LARGE1: variants seen among roughly 807,000 people sequenced by gnomAD.
LARGE1 encodes the protein xylosyl- and glucuronyltransferase LARGE1.
Under a neutral mutation model 87.6 loss-of-function variants are expected in LARGE1, and 43 were observed. The ratio of observed to expected loss-of-function variants is 0.49; its 90% CI spans 0.38 to 0.63. The LOEUF is 0.63. Ranked by LOEUF, LARGE1 falls within the 30% of genes least tolerant of loss-of-function variation. LARGE1 has a pLI of 0.00. For synonymous variants in LARGE1, 434 were observed against 394.6 expected, an observed-to-expected ratio of 1.10 and a Z score of -1.18; for missense variants, 802 against 1,000.2, an observed-to-expected ratio of 0.80 and a Z score of 2.67.
intron 1 of LARGE1, among the ~76,000 whole-genome samples, chr22:33,882,035 G>GTTTTTTTTT (rs56757133): frequency 2.1e-5 from 3 of 144,228 alleles, no homozygotes; most frequent in African/African-American, 7.9e-5. Context: ...TTTTGTTTTT[G>GTTTTTTTTT]TTTTTTTTTG....
chr22:33,087,440 A>C, the LARGE1 span, among the ~76,000 whole-genome samples: 1 of 152,182 alleles, frequency 6.6e-6, no homozygotes, highest in South Asian at 2.1e-4. Context: ...CAATCCATCC[A>C]CACTGACTGG....
At chr22:33,916,478 C>T (rs754897288) in intron 1 of LARGE1, among the ~76,000 whole-genome samples, 4 of 152,174 alleles carry the variant, frequency 2.6e-5, no homozygotes, top group African/African-American at 4.8e-5. Context: ...GCCTTTCACT[C>T]GTTGCTGCCT....
chr22:33,294,954 T>C (rs745688550), intron 12 of LARGE1, among the ~76,000 whole-genome samples: 3 of 152,212 alleles, frequency 2.0e-5, no homozygotes, highest in Non-Finnish European at 4.4e-5. Context: ...TTGGGCAAAC[T>C]TAACTTCTGT....
chr22:33,265,287 A>C (rs925162381), intron 11 of LARGE1, among the ~76,000 whole-genome samples: 2 of 152,116 alleles, frequency 1.3e-5, no homozygotes, highest in African/African-American at 4.8e-5. Context: ...CAGTTTAGCA[A>C]GAACCAAGCA....
At chr22:33,592,236 A>G (rs1358586491) in intron 5 of LARGE1, among the ~76,000 whole-genome samples, 1 of 151,202 alleles carries the variant, frequency 6.6e-6, no homozygotes, top group Non-Finnish European at 1.5e-5. Context: ...TTTCAAGTTA[A>G]TTTTTGTATG....
At chr22:33,593,860 C>G (rs1289253717) in intron 5 of LARGE1, among the ~76,000 whole-genome samples, 1 of 152,168 alleles carries the variant, frequency 6.6e-6, no homozygotes, top group East Asian at 1.9e-4. Flanking sequence ...TAAAATCACA[C>G]AGATGAGTTG....
chr22:33,778,689 C>T (rs944240340), intron 1 of LARGE1, among the ~76,000 whole-genome samples: 5 of 152,006 alleles, frequency 3.3e-5, no homozygotes, highest in Admixed American at 6.6e-5. Flanking sequence ...CTCGCTCTGT[C>T]GCCCAGACTG....
chr22:33,085,199 C>T, the LARGE1 span, among the ~76,000 whole-genome samples: 1 of 152,208 alleles, frequency 6.6e-6, no homozygotes, highest in South Asian at 2.1e-4. Context: ...TCACTTGAAC[C>T]CGGGAAGCGA....
chr22:33,122,906 G>A, the LARGE1 span, among the ~76,000 whole-genome samples: 2 of 152,128 alleles, frequency 1.3e-5, no homozygotes, highest in African/African-American at 2.4e-5. Context: ...GGGCTGATAC[G>A]GGACCCTACT....
chr22:33,545,844 G>A (rs1209457480), intron 6 of LARGE1, among the ~76,000 whole-genome samples: 1 of 152,130 alleles, frequency 6.6e-6, no homozygotes, highest in Non-Finnish European at 1.5e-5. Context: ...TTGGCCTCCC[G>A]ACGTGCTTGG....
At chr22:33,606,894 CCTAA>C (rs2079280196) in intron 4 of LARGE1, among the ~76,000 whole-genome samples, 1 of 152,258 alleles carries the variant, frequency 6.6e-6, no homozygotes, top group Non-Finnish European at 1.5e-5. Context: ...AGGGGTCCTT[CCTAA>C]CTGTTATCCC....
At chr22:33,606,900 T>A (rs1213995123) in intron 4 of LARGE1, among the ~76,000 whole-genome samples, 9 of 152,236 alleles carry the variant, frequency 5.9e-5, no homozygotes, top group Middle Eastern at 3.4e-3. Context: ...CCTTCCTAAC[T>A]GTTATCCCAG....
intron 11 of LARGE1, among the ~76,000 whole-genome samples, chr22:33,214,404 T>A (rs1398014823): frequency 6.6e-6 from 1 of 152,008 alleles, no homozygotes; most frequent in Non-Finnish European, 1.5e-5. Context: ...GTCTACTACT[T>A]CAACATACAA....
chr22:33,495,314 G>A (rs147137058), intron 6 of LARGE1, among the ~76,000 whole-genome samples: 3 of 152,138 alleles, frequency 2.0e-5, no homozygotes, highest in Non-Finnish European at 4.4e-5. Context: ...GAATTGTCTT[G>A]CTTATTTACG....
At chr22:33,140,010 T>C in the LARGE1 span, among the ~76,000 whole-genome samples, 1 of 152,238 alleles carries the variant, frequency 6.6e-6, no homozygotes, top group Non-Finnish European at 1.5e-5. Flanking sequence ...CTTGGCTTGC[T>C]TCTCCAGTAA....
At chr22:33,077,403 C>T in the LARGE1 span, among the ~76,000 whole-genome samples, 3 of 152,196 alleles carry the variant, frequency 2.0e-5, no homozygotes, top group East Asian at 5.8e-4. Flanking sequence ...GAAATCTGGG[C>T]TCTTATTTAG....
chr22:33,648,657 C>T (rs920991203), intron 3 of LARGE1, among the ~76,000 whole-genome samples: 1 of 152,174 alleles, frequency 6.6e-6, no homozygotes, highest in South Asian at 2.1e-4. Flanking sequence ...GCTGAATGCC[C>T]GTTTTCATAC....
chr22:33,448,362 T>C (rs568252189), intron 6 of LARGE1, among the ~76,000 whole-genome samples: 1 of 152,326 alleles, frequency 6.6e-6, no homozygotes, highest in African/African-American at 2.4e-5. Flanking sequence ...TGTACACAAA[T>C]ATCAAAACAT....
At chr22:33,703,208 C>T (rs75497523) in intron 2 of LARGE1, among the ~76,000 whole-genome samples, 3,860 of 151,920 alleles carry the variant, frequency 0.025, 150 homozygotes, top group African/African-American at 0.088. Flanking sequence ...GGAGGAAAAG[C>T]GGAGGGAGAG....
Sources: allele counts gnomAD v4.1 joint callset (sites outside exome capture counted in the v4.1 genomes callset), GRCh38; gene constraint gnomAD v4.1.1; transcripts MANE v1.5; gene names NCBI Gene and HGNC (gene_info 2026-07-23, HGNC 2026-07-21).